PHACTR1: variants seen among roughly 807,000 people sequenced by gnomAD.
PHACTR1 encodes phosphatase and actin regulator 1.
A neutral mutation model predicts 69.2 loss-of-function variants in PHACTR1; 16 were observed. The ratio of observed to expected loss-of-function variants is 0.23; its 90% CI spans 0.16 to 0.35. The LOEUF is 0.35. PHACTR1 is among the 10% of genes least tolerant of loss of function. The probability of loss-of-function intolerance (pLI) is 1.00; values close to 1 mark genes in which losing one functional copy is unlikely to be tolerated. For missense variants in PHACTR1, 510 were observed against 734.7 expected, an observed-to-expected ratio of 0.69 and a Z score of 3.54; for synonymous variants, 312 against 284.5, an observed-to-expected ratio of 1.10 and a Z score of -0.97.
At chr6:12,806,523 G>C (rs564040740) in intron 4 of PHACTR1, among the ~76,000 whole-genome samples, 1 of 152,022 alleles carries the variant, frequency 6.6e-6, no homozygotes, top group East Asian at 1.9e-4. Context: ...TTGTTATGTT[G>C]CCCAGGCTGG....
At chr6:12,894,615 CA>C (rs1159725144) in intron 4 of PHACTR1, among the ~76,000 whole-genome samples, 1 of 152,032 alleles carries the variant, frequency 6.6e-6, no homozygotes, top group African/African-American at 2.4e-5. Flanking sequence ...AAAAAAGAAA[CA>C]AAAAAACTTC....
At chr6:12,955,922 G>A (rs560770264) in intron 4 of PHACTR1, among the ~76,000 whole-genome samples, 1 of 152,158 alleles carries the variant, frequency 6.6e-6, no homozygotes, top group Non-Finnish European at 1.5e-5. Context: ...CTGACCTCAG[G>A]GGGGTATGTG....
intron 4 of PHACTR1, among the ~76,000 whole-genome samples, chr6:13,009,860 GCC>G (rs1799238476): frequency 2.7e-5 from 4 of 145,484 alleles, no homozygotes. Flanking sequence ...TCCCTACACT[GCC>G]ACCACCACCA....
intron 6 of PHACTR1, among the ~76,000 whole-genome samples, chr6:13,173,208 A>G (rs1488786710): frequency 1.3e-5 from 2 of 152,260 alleles, no homozygotes. Context: ...ATGTAATTGC[A>G]GCTTTAATGA....
chr6:12,965,479 GC>G (rs1156971081), intron 4 of PHACTR1, among the ~76,000 whole-genome samples: 3 of 113,178 alleles, frequency 2.7e-5, no homozygotes, highest in Non-Finnish European at 5.7e-5. Context: ...GCATTTTGGT[GC>G]TTTTTGTTGG....
At chr6:12,886,979 G>A (rs1044749812) in intron 4 of PHACTR1, among the ~76,000 whole-genome samples, 5 of 152,246 alleles carry the variant, frequency 3.3e-5, no homozygotes, top group African/African-American at 9.6e-5. Flanking sequence ...GAGCAGCAGC[G>A]TGCAGCTCCA....
intron 4 of PHACTR1, among the ~76,000 whole-genome samples, chr6:12,854,116 G>T (rs755200176): frequency 6.6e-6 from 1 of 152,108 alleles, no homozygotes; most frequent in Non-Finnish European, 1.5e-5. Context: ...CTAGAGTTAT[G>T]CCATGAAAAA....
At chr6:12,878,869 A>T (rs9472790) in intron 4 of PHACTR1, among the ~76,000 whole-genome samples, 71,692 of 152,022 alleles carry the variant, frequency 0.47, 18,407 homozygotes, top group East Asian at 0.85. Flanking sequence ...GTAGATAAAG[A>T]GGCGTGAGAC....
intron 3 of PHACTR1, among the ~76,000 whole-genome samples, chr6:12,729,621 AGG>A (rs1186851264): frequency 1.3e-5 from 2 of 152,224 alleles, no homozygotes; most frequent in South Asian, 2.1e-4. Flanking sequence ...TGCCAGACCA[AGG>A]AATCCCAAAG....
chr6:12,926,886 C>G (rs1788326987), intron 4 of PHACTR1, among the ~76,000 whole-genome samples: 1 of 150,588 alleles, frequency 6.6e-6, no homozygotes, highest in Non-Finnish European at 1.5e-5. Context: ...CTGGTCCTGC[C>G]TGGCCTCATC....
chr6:12,891,919 C>A (rs1313005472), intron 4 of PHACTR1, among the ~76,000 whole-genome samples: 1 of 152,168 alleles, frequency 6.6e-6, no homozygotes, highest in African/African-American at 2.4e-5. Flanking sequence ...ATAATAGGGC[C>A]ACCATAGAGG....
At chr6:13,196,883 T>G (rs1764512231) in intron 7 of PHACTR1, among the ~76,000 whole-genome samples, 1 of 152,240 alleles carries the variant, frequency 6.6e-6, no homozygotes. Flanking sequence ...CTTGATTCAC[T>G]TTCCAATCAC....
At chr6:12,973,827 G>C (rs1415165331) in intron 4 of PHACTR1, among the ~76,000 whole-genome samples, 1 of 152,008 alleles carries the variant, frequency 6.6e-6, no homozygotes, top group Non-Finnish European at 1.5e-5. Context: ...GGGTTCTAAG[G>C]GGTTGTTTTT....
At chr6:13,146,161 C>T (rs1823318254) in intron 5 of PHACTR1, among the ~76,000 whole-genome samples, 1 of 152,146 alleles carries the variant, frequency 6.6e-6, no homozygotes, top group Non-Finnish European at 1.5e-5. Flanking sequence ...GATAATAGTG[C>T]CAACCTCTCA....
chr6:12,850,887 CAACTT>C (rs1779759338), intron 4 of PHACTR1, among the ~76,000 whole-genome samples: 2 of 152,160 alleles, frequency 1.3e-5, no homozygotes, highest in South Asian at 4.2e-4. Flanking sequence ...TTCATGACCT[CAACTT>C]AACTCCCTTA....
Position 13,172,698 on chromosome 6 carries a change from C to G in PHACTR1, c.497-9821C>G, listed in dbSNP as rs544136997. 1.2e-4 allele frequency among the ~76,000 whole-genome samples: 18 copies of G among 152,236 alleles called. No individual in the cohort carries two copies. The East Asian group carries it at 1.5e-3, about 13-fold the overall frequency. ...AAGGCTTCTCAGCAAGAAGGAGAAG[C>G]CTATTAAAATCAAAATAGGATAATA... is the stretch of plus-strand genomic sequence containing the variant. On this transcript the variant is annotated intron_variant, in intron 6 of 14. Coordinates refer to ENST00000332995, the MANE Select transcript of PHACTR1 (RefSeq NM_030948.6).
In PHACTR1 at chr6:12,926,641, C is replaced by T. The variant is rs143873230; in HGVS notation, c.251-126724C>T. On this transcript the variant is annotated intron_variant, in intron 4 of 14. Coordinates refer to ENST00000332995, the MANE Select transcript of PHACTR1 (RefSeq NM_030948.6). ...GCTGCCCATCAAGTCCTGAAGATTC[C>T]GCCTTTGTAGCATTTCTGGCTTTGG... Among the ~76,000 whole-genome samples the T allele has an allele frequency of 2.2e-3, 334 of 152,338 alleles. 1 individual carries two copies. Among genetic ancestry groups the T allele is most frequent in the African/African-American group, 7.5e-3 (313 of 41,576 alleles).
intron 4 of PHACTR1, among the ~76,000 whole-genome samples, chr6:12,926,604 T>A (rs776427257): frequency 7.9e-5 from 12 of 151,532 alleles, no homozygotes; most frequent in Non-Finnish European, 1.5e-4. Flanking sequence ...CATATCCTTG[T>A]CCCCATAGAA....
intron 7 of PHACTR1, among the ~76,000 whole-genome samples, chr6:13,185,935 T>C (rs1007141980): frequency 6.6e-6 from 1 of 152,214 alleles, no homozygotes; most frequent in Non-Finnish European, 1.5e-5. Context: ...ACAGGAATTC[T>C]GTAATAGAGG....
Sources: gnomAD v4.1 joint callset for allele counts (sites outside exome capture counted in the v4.1 genomes callset) on GRCh38, gnomAD v4.1.1 for gene constraint, MANE v1.5 for transcripts, NCBI Gene and HGNC (gene_info 2026-07-23, HGNC 2026-07-21) for gene names.